Variants in HSPA12A observed in about 807,000 individuals in gnomAD.
HSPA12A encodes heat shock protein family A (Hsp70) member 12A, also known as heat shock 70 kDa protein 12A.
In HSPA12A, 28 loss-of-function variants were observed where a neutral mutation model predicts 69.2. The observed-to-expected ratio is 0.40, with a 90% CI of 0.30 to 0.55. HSPA12A has a LOEUF of 0.55. Ranked by LOEUF, HSPA12A falls within the 20% of genes least tolerant of loss-of-function variation. HSPA12A has a pLI of 0.38. For synonymous variants in HSPA12A, 345 were observed against 370.5 expected (o/e 0.93, Z 0.79); for missense variants, 686 against 900.7 (o/e 0.76, Z 3.05).
Position 116,675,302 on chromosome 10 carries a change from G to T in HSPA12A, c.1507C>A (p.Arg503=). ...CCCACGTCCTGGGGGATGATGATCC[G>T]GCACTGGTCCCCAAAAGCAGCCTGC... ...AVQAAFGDQC[R]IIIPQDVGLT... Residue 503 remains arginine, a synonymous_variant, in exon 12 of 12, where the codon CGG becomes AGG. Coordinates refer to ENST00000369209, the MANE Select transcript of HSPA12A (RefSeq NM_025015.3). This position sits in a 1 kb window ranked among gnomAD's most constrained non-coding sequence, Gnocchi z 5.2. The T allele has an allele frequency of 6.2e-7, 1 of 1,613,374 alleles. No homozygotes were observed.
chr10:116,761,868 A>C (rs1485689499), intron 2 of HSPA12A, among the ~76,000 whole-genome samples: 1 of 150,936 alleles, frequency 6.6e-6, no homozygotes, highest in East Asian at 1.9e-4. Flanking sequence ...AGTGATAACA[A>C]AAAAAAAAGG....
At chr10:116,799,523 G>A (rs752301286) in intron 2 of HSPA12A, among the ~76,000 whole-genome samples, 2 of 152,120 alleles carry the variant, frequency 1.3e-5, no homozygotes, top group South Asian at 2.1e-4. Flanking sequence ...ACACTCATGC[G>A]CACAGACACA....
At chr10:116,828,086 T>C (rs1290020148) in intron 2 of HSPA12A, among the ~76,000 whole-genome samples, 4 of 152,264 alleles carry the variant, frequency 2.6e-5, no homozygotes, top group African/African-American at 9.6e-5. Context: ...GTTCTTATTA[T>C]GTTGTTATAC....
Position 116,762,108 on chromosome 10 carries a change from G to A in HSPA12A, c.92-54823C>T, listed in dbSNP as rs181585620. 1.1e-4 allele frequency among the ~76,000 whole-genome samples: 16 copies of A among 152,258 alleles called. No individual in the cohort carries two copies. The East Asian group carries it at 1.7e-3, about 17-fold the overall frequency. On this transcript the variant is annotated intron_variant, in intron 2 of 12. Coordinates refer to the HSPA12A transcript ENST00000635765. ...CACTGTGCTAGGCTCCAAATACAGC[G>A]TGGCCCTTGTCCTCACGGACCTTTG...
rs566224475 is a variant in HSPA12A at position 116,804,827 on chromosome 10, T to C, written c.91+30108A>G. ...AATGATTGTGGGACCTGTTTCCTTCTAAGAGGCCAGGGTTGAACAAGTGAT... is the reference window on the plus strand; with the variant it reads ...AATGATTGTGGGACCTGTTTCCTTCCAAGAGGCCAGGGTTGAACAAGTGAT... On this transcript the variant is annotated intron_variant, in intron 2 of 12. Coordinates refer to the HSPA12A transcript ENST00000635765. Among the ~76,000 whole-genome samples, 6 of 152,326 alleles carry C rather than the reference T, an allele frequency of 3.9e-5. No individual in the cohort carries two copies. The South Asian group carries it at 1.0e-3, about 26-fold the overall frequency.
upstream of HSPA12A, among the ~76,000 whole-genome samples, chr10:116,744,109 T>C (rs930663946): frequency 3.9e-5 from 6 of 152,308 alleles, no homozygotes; most frequent in Admixed American, 3.9e-4. Flanking sequence ...GTCCATGCTT[T>C]GTGATCTGGT....
chr10:116,703,157 C>G (rs1200546956), intron 3 of HSPA12A, among the ~76,000 whole-genome samples: 4 of 152,138 alleles, frequency 2.6e-5, no homozygotes, highest in Admixed American at 1.3e-4. Context: ...AACTGAACAC[C>G]AAGGGCGATG....
intron 1 of HSPA12A, among the ~76,000 whole-genome samples, chr10:116,713,180 G>A (rs1850496665): frequency 3.3e-5 from 5 of 150,634 alleles, no homozygotes; most frequent in Non-Finnish European, 7.4e-5. Flanking sequence ...TAGGTTACTG[G>A]CAAACATCTT....
At chr10:116,844,377 A>G (rs1024453558) in intron 1 of HSPA12A, among the ~76,000 whole-genome samples, 1 of 152,228 alleles carries the variant, frequency 6.6e-6, no homozygotes, top group Admixed American at 6.5e-5. Flanking sequence ...GAAGAAAAAA[A>G]CAAATTTCAA....
At chr10:116,764,802 G>A (rs1490230103) in intron 2 of HSPA12A, among the ~76,000 whole-genome samples, 4 of 152,114 alleles carry the variant, frequency 2.6e-5, no homozygotes, top group African/African-American at 9.7e-5. Flanking sequence ...CATCATATGA[G>A]TAGTAGAGAT....
intron 5 of HSPA12A, among the ~76,000 whole-genome samples, chr10:116,696,735 C>T (rs782313987): frequency 2.0e-5 from 3 of 152,286 alleles, no homozygotes; most frequent in African/African-American, 4.8e-5. Flanking sequence ...CTCTGCACTA[C>T]CTTATCCTGA....
chr10:116,778,949 C>A (rs1844402441), intron 2 of HSPA12A, among the ~76,000 whole-genome samples: 1 of 152,126 alleles, frequency 6.6e-6, no homozygotes, highest in South Asian at 2.1e-4. Flanking sequence ...ACAACAACAA[C>A]AAACCCAGAA....
At chr10:116,716,143 A>C (rs2133011367) in intron 1 of HSPA12A, among the ~76,000 whole-genome samples, 1 of 147,556 alleles carries the variant, frequency 6.8e-6, no homozygotes. Context: ...CCAGGGCCTC[A>C]GAGGAGGTGG....
chr10:116,818,222 G>A (rs1293415095), intron 2 of HSPA12A, among the ~76,000 whole-genome samples: 1 of 152,188 alleles, frequency 6.6e-6, no homozygotes, highest in Non-Finnish European at 1.5e-5. Flanking sequence ...CCTGGCATAT[G>A]AGCTTGGTCA....
intron 2 of HSPA12A, among the ~76,000 whole-genome samples, chr10:116,813,607 A>G (rs111793180): frequency 0.012 from 1,803 of 150,926 alleles, 26 homozygotes; most frequent in African/African-American, 0.038. Flanking sequence ...AGCCAGGCAC[A>G]GTTGCTCACA....
chr10:116,823,951 CAAG>C (rs943700994), intron 2 of HSPA12A, among the ~76,000 whole-genome samples: 11 of 152,076 alleles, frequency 7.2e-5, no homozygotes, highest in African/African-American at 2.4e-4. Flanking sequence ...AGGACATCAT[CAAG>C]AAGGTGAAAA....
At chr10:116,822,696 C>CA (rs1180942750) in intron 2 of HSPA12A, among the ~76,000 whole-genome samples, 1 of 152,156 alleles carries the variant, frequency 6.6e-6, no homozygotes, top group Non-Finnish European at 1.5e-5. Flanking sequence ...CTATCCTTTG[C>CA]AAAGTCCCAT....
At chr10:116,727,755 T>TTTG (rs1374572948) in intron 1 of HSPA12A, among the ~76,000 whole-genome samples, 1 of 150,862 alleles carries the variant, frequency 6.6e-6, no homozygotes, top group South Asian at 2.1e-4. Context: ...TAAGTGGGTT[T>TTTG]TTTTTTTTTT....
At chr10:116,849,989 G>T, upstream of HSPA12A, 1 of 658,902 alleles carries the variant, frequency 1.5e-6, no homozygotes, top group Admixed American at 2.2e-5. Context: ...GACCTGCAGC[G>T]GCAGCCCAGG....
Sources: allele counts gnomAD v4.1 joint callset (sites outside exome capture counted in the v4.1 genomes callset), GRCh38; gene constraint gnomAD v4.1.1; non-coding constraint Gnocchi (gnomAD v3.1); transcripts MANE v1.5; gene names NCBI Gene and HGNC (gene_info 2026-07-23, HGNC 2026-07-21).